KCNN2: variants seen among roughly 807,000 people sequenced by gnomAD.
KCNN2 encodes the protein small conductance calcium-activated potassium channel protein 2.
Under a neutral mutation model 55.5 loss-of-function variants are expected in KCNN2, and 24 were observed. The observed-to-expected ratio is 0.43, with a 90% CI of 0.31 to 0.61. The LOEUF is 0.61. KCNN2 is among the 20% of genes least tolerant of loss of function. KCNN2 has a pLI of 0.08. For synonymous variants in KCNN2, 431 were observed against 336.1 expected (o/e 1.28, Z -3.09); for missense variants, 754 against 853.6 (o/e 0.88, Z 1.45).
intron 3 of KCNN2, among the ~76,000 whole-genome samples, chr5:114,448,901 T>G (rs916891646): frequency 6.6e-6 from 1 of 152,158 alleles, no homozygotes; most frequent in African/African-American, 2.4e-5. Context: ...GTGGCGCATA[T>G]TTTTTTCTCA....
At chr5:114,493,571 C>G in intron 7 of KCNN2, 99 bp downstream of exon 7, 1 of 809,636 alleles carries the variant, frequency 1.2e-6, no homozygotes, top group South Asian at 1.4e-5. Flanking sequence ...CAACCCAAAT[C>G]TAATTAATAA....
chr5:114,155,868 G>A (rs1368152750), intron 1 of KCNN2, among the ~76,000 whole-genome samples: 1 of 152,154 alleles, frequency 6.6e-6, no homozygotes, highest in Non-Finnish European at 1.5e-5. Flanking sequence ...TTGCTGTACA[G>A]AAGCTCTTTG....
intron 1 of KCNN2, among the ~76,000 whole-genome samples, chr5:114,134,525 G>A (rs1752134154): frequency 6.8e-6 from 1 of 146,380 alleles, no homozygotes; most frequent in Non-Finnish European, 1.5e-5. Context: ...TCCTAGGCTG[G>A]AGTGCAGTGG....
At chr5:114,304,963 G>T (rs1235097461) in intron 2 of KCNN2, among the ~76,000 whole-genome samples, 1 of 152,162 alleles carries the variant, frequency 6.6e-6, no homozygotes, top group Admixed American at 6.5e-5. Context: ...GGCCTCTAAA[G>T]TATTTGCCAA....
chr5:114,198,928 A>C (rs901199773), intron 1 of KCNN2, among the ~76,000 whole-genome samples: 18 of 152,088 alleles, frequency 1.2e-4, no homozygotes, highest in Admixed American at 1.0e-3. Context: ...ATGTTCTGTA[A>C]ATGTCTGTTA....
chr5:114,142,803 T>C (rs1752313360), intron 1 of KCNN2, among the ~76,000 whole-genome samples: 1 of 152,154 alleles, frequency 6.6e-6, no homozygotes, highest in South Asian at 2.1e-4. Context: ...ATGTAATTTA[T>C]AGATTTAATG....
At chr5:114,480,428 C>T (rs1762174621) in intron 5 of KCNN2, among the ~76,000 whole-genome samples, 1 of 152,064 alleles carries the variant, frequency 6.6e-6, no homozygotes, top group African/African-American at 2.4e-5. Context: ...TTACCAGAGG[C>T]ACGAAGAAGA....
chr5:114,379,294 A>G (rs932682959), intron 2 of KCNN2, among the ~76,000 whole-genome samples: 3 of 151,832 alleles, frequency 2.0e-5, no homozygotes, highest in Non-Finnish European at 4.4e-5. Context: ...CTCCCTCCTT[A>G]GTGTCCTTGG....
rs372353854 is a variant in KCNN2 at position 114,336,499 on chromosome 5, A to G, written c.-184-24446A>G. ...TTCATTCATTTCTAAGTTCATGTGC[A>G]TCACTGTACTAGAGATGCATCATTG... On this transcript the variant is annotated intron_variant, in intron 2 of 10. Transcript: ENST00000512097. Among the ~76,000 whole-genome samples, 7 of 152,330 alleles carry G rather than the reference A, an allele frequency of 4.6e-5. No homozygotes were observed. The East Asian group carries it at 1.2e-3, about 25-fold the overall frequency.
intron 2 of KCNN2, among the ~76,000 whole-genome samples, chr5:114,324,697 C>G (rs1339777961): frequency 1.3e-5 from 2 of 152,188 alleles, no homozygotes; most frequent in African/African-American, 2.4e-5. Flanking sequence ...AGACAGGAAT[C>G]CAGATTTTGG....
intron 1 of KCNN2, among the ~76,000 whole-genome samples, chr5:114,138,579 G>A (rs777434653): frequency 2.0e-5 from 3 of 152,086 alleles, no homozygotes; most frequent in Non-Finnish European, 4.4e-5. Context: ...CTACAAATTG[G>A]TTGTATATTT....
chr5:114,072,988 T>C (rs1356525500), intron 1 of KCNN2, among the ~76,000 whole-genome samples: 3 of 152,256 alleles, frequency 2.0e-5, no homozygotes, highest in Non-Finnish European at 4.4e-5. Context: ...ATAGTGACTG[T>C]GGATTACTCT....
chr5:114,289,732 A>C (rs370739657), intron 2 of KCNN2, among the ~76,000 whole-genome samples: 5 of 152,262 alleles, frequency 3.3e-5, no homozygotes, highest in Admixed American at 6.5e-5. Flanking sequence ...ATAGAATTGC[A>C]TTGAATCTTT....
intron 2 of KCNN2, among the ~76,000 whole-genome samples, chr5:114,323,153 G>C (rs36961): frequency 6.6e-6 from 1 of 151,964 alleles, no homozygotes; most frequent in South Asian, 2.1e-4. Context: ...GAGGAACCCC[G>C]GTTTACATTA....
Position 114,217,064 on chromosome 5 carries a change from G to A in KCNN2, c.-270-4416G>A, listed in dbSNP as rs79005054. 5.9e-3 allele frequency among the ~76,000 whole-genome samples: 904 copies of A among 152,096 alleles called. 11 individuals are homozygous for A. Among genetic ancestry groups the A allele is most frequent in the African/African-American group, 0.02 (848 of 41,500 alleles). ...TATAAATCTATCAAAATATGTATAA[G>A]ACTTGTATGAGGAAAGCTACAAAAC... On this transcript the variant is annotated intron_variant, in intron 1 of 10. Coordinates refer to the KCNN2 transcript ENST00000512097.
intron 1 of KCNN2, among the ~76,000 whole-genome samples, chr5:114,102,959 T>C (rs1364560730): frequency 6.6e-6 from 1 of 152,210 alleles, no homozygotes; most frequent in South Asian, 2.1e-4. Context: ...AGTAGTTTTT[T>C]CTAATTCTGT....
chr5:114,087,511 C>T (rs757235619), intron 1 of KCNN2, among the ~76,000 whole-genome samples: 17 of 152,078 alleles, frequency 1.1e-4, no homozygotes, highest in African/African-American at 1.7e-4. Flanking sequence ...CCAGCTATAT[C>T]GGCACCATTT....
intron 1 of KCNN2, among the ~76,000 whole-genome samples, chr5:114,150,389 A>C (rs538559140): frequency 6.6e-6 from 1 of 152,336 alleles, no homozygotes; most frequent in African/African-American, 2.4e-5. Context: ...AAAACCAGTA[A>C]AACTTTCTTC....
chr5:114,307,970 A>C (rs1756317763), intron 2 of KCNN2, among the ~76,000 whole-genome samples: 1 of 152,118 alleles, frequency 6.6e-6, no homozygotes, highest in Non-Finnish European at 1.5e-5. Flanking sequence ...ACTCCTATAC[A>C]TAATCTACTC....
Sources: allele counts gnomAD v4.1 joint callset (sites outside exome capture counted in the v4.1 genomes callset), GRCh38; gene constraint gnomAD v4.1.1; transcripts MANE v1.5; gene names NCBI Gene and HGNC (gene_info 2026-07-23, HGNC 2026-07-21).